KCNH7: variants seen among roughly 807,000 people sequenced by gnomAD.
KCNH7 encodes the protein potassium voltage-gated channel subfamily H member 7.
In KCNH7, 49 loss-of-function variants were observed where a neutral mutation model predicts 120.8. The observed-to-expected ratio is 0.41, with a 90% CI of 0.32 to 0.51. The LOEUF (loss-of-function observed/expected upper bound fraction) is 0.51. Among genes scored for constraint, KCNH7 ranks in the 20% least tolerant of loss-of-function variants. KCNH7 has a pLI of 0.38. For missense variants in KCNH7, 1,097 were observed against 1,446.6 expected (o/e 0.76, Z 3.92); for synonymous variants, 547 against 516.1 (o/e 1.06, Z -0.81).
chr2:162,526,258 A>G (rs182482481), intron 3 of KCNH7, among the ~76,000 whole-genome samples: 1 of 152,102 alleles, frequency 6.6e-6, no homozygotes, highest in East Asian at 2.0e-4. Flanking sequence ...AAATGGAGGC[A>G]GGGCAAGATC....
intron 9 of KCNH7, among the ~76,000 whole-genome samples, chr2:162,403,765 A>C (rs937694981): frequency 4.6e-5 from 7 of 151,994 alleles, no homozygotes; most frequent in Non-Finnish European, 1.0e-4. Flanking sequence ...CGATAAAATT[A>C]AGAGCCAGTT....
intron 3 of KCNH7, among the ~76,000 whole-genome samples, chr2:162,527,495 A>T (rs542803802): frequency 2.8e-4 from 42 of 152,138 alleles, no homozygotes; most frequent in African/African-American, 9.1e-4. Context: ...CTAAAAACTG[A>T]GATACAAATT....
intron 2 of KCNH7, among the ~76,000 whole-genome samples, chr2:162,561,997 G>A (rs1189993047): frequency 6.6e-6 from 1 of 152,116 alleles, no homozygotes; most frequent in African/African-American, 2.4e-5. Flanking sequence ...GCTCATGAGT[G>A]GGAGTCGATC....
chr2:162,817,928 G>A (rs1486535126), intron 2 of KCNH7, among the ~76,000 whole-genome samples: 1 of 151,940 alleles, frequency 6.6e-6, no homozygotes, highest in Non-Finnish European at 1.5e-5. Flanking sequence ...TATACAGAGA[G>A]ATATGGACAT....
chr2:162,468,512 CTTTTTTTT>C (rs1166606647), intron 6 of KCNH7, among the ~76,000 whole-genome samples: 13 of 78,910 alleles, frequency 1.6e-4, no homozygotes, highest in Admixed American at 7.4e-4. Context: ...TATTCTTTTC[CTTTTTTTT>C]TTTTTTTTTT....
chr2:162,666,102 T>G (rs959866213), intron 2 of KCNH7, among the ~76,000 whole-genome samples: 1 of 152,170 alleles, frequency 6.6e-6, no homozygotes. Flanking sequence ...TTGCTTAGAA[T>G]GAGTTTAGGA....
At chr2:162,754,676 C>T (rs1043244792) in intron 2 of KCNH7, among the ~76,000 whole-genome samples, 113 of 151,982 alleles carry the variant, frequency 7.4e-4, no homozygotes, top group African/African-American at 2.3e-3. Context: ...TAAGAGAGTA[C>T]GAGATTTAAG....
At position 162,387,826 on chromosome 2, in the gene KCNH7, A is replaced by G. The variant is rs372884137; in HGVS notation, c.2711-2887T>C. ...ACCCATTTATCTTAAGAATGATAAT[A>G]TAATAATCTTTTCTTTCAAAAAACC... On this transcript the variant is annotated intron_variant, in intron 12 of 15. Transcript: ENST00000332142. Among the ~76,000 whole-genome samples, 6 of 151,786 alleles carry G rather than the reference A, an allele frequency of 4.0e-5. 1 individual carries two copies. The highest frequency in any genetic ancestry group is 1.9e-4 in the East Asian group (1 of 5,158).
intron 6 of KCNH7, among the ~76,000 whole-genome samples, chr2:162,471,830 T>A (rs1689545597): frequency 6.6e-6 from 1 of 152,164 alleles, no homozygotes; most frequent in Non-Finnish European, 1.5e-5. Flanking sequence ...CTACCTGACT[T>A]CAAACTAAAC....
At chr2:162,410,327 A>T (rs1228803154) in intron 9 of KCNH7, among the ~76,000 whole-genome samples, 1 of 152,140 alleles carries the variant, frequency 6.6e-6, no homozygotes, top group Admixed American at 6.6e-5. Context: ...AACAATGAAG[A>T]AAAGATTCCT....
chr2:162,490,323 G>A (rs1269524723), intron 6 of KCNH7, among the ~76,000 whole-genome samples: 4 of 152,156 alleles, frequency 2.6e-5, no homozygotes, highest in African/African-American at 9.7e-5. Flanking sequence ...AGAAGCCCTT[G>A]TATTCAACTG....
intron 2 of KCNH7, among the ~76,000 whole-genome samples, chr2:162,591,868 C>G (rs1211690805): frequency 6.6e-6 from 1 of 151,980 alleles, no homozygotes; most frequent in Non-Finnish European, 1.5e-5. Context: ...TTAGCACTTC[C>G]TTTTCTTCCT....
At chr2:162,391,769 A>G (rs967137022) in intron 12 of KCNH7, among the ~76,000 whole-genome samples, 14 of 152,074 alleles carry the variant, frequency 9.2e-5, no homozygotes, top group Non-Finnish European at 1.5e-4. Flanking sequence ...TAAATCTTCA[A>G]CTATGTGGAA....
chr2:162,735,770 G>T (rs1480218090), intron 2 of KCNH7, among the ~76,000 whole-genome samples: 1 of 152,072 alleles, frequency 6.6e-6, no homozygotes, highest in Non-Finnish European at 1.5e-5. Context: ...CCTTCACTCG[G>T]GTGGCCATGC....
chr2:162,659,634 C>T (rs185838222), intron 2 of KCNH7, among the ~76,000 whole-genome samples: 123 of 152,238 alleles, frequency 8.1e-4, no homozygotes, highest in African/African-American at 2.8e-3. Flanking sequence ...TGAGCCACTG[C>T]GCCTGGCCAA....
At chr2:162,377,295 A>G (rs1170514918) in intron 14 of KCNH7, among the ~76,000 whole-genome samples, 1 of 152,172 alleles carries the variant, frequency 6.6e-6, no homozygotes, top group Non-Finnish European at 1.5e-5. Flanking sequence ...AATATCACAG[A>G]TAATTAGAAA....
At chr2:162,475,022 G>A (rs1244530340) in intron 6 of KCNH7, among the ~76,000 whole-genome samples, 1 of 152,192 alleles carries the variant, frequency 6.6e-6, no homozygotes, top group Non-Finnish European at 1.5e-5. Flanking sequence ...ACCTAGCTAA[G>A]CTTCTCTTCA....
At chr2:162,566,743 G>A (rs538488179) in intron 2 of KCNH7, among the ~76,000 whole-genome samples, 29 of 151,966 alleles carry the variant, frequency 1.9e-4, no homozygotes, top group Admixed American at 8.5e-4. Context: ...GATTAGCAAA[G>A]GTTATGGTCA....
At chr2:162,491,486 C>T (rs903456559) in intron 6 of KCNH7, among the ~76,000 whole-genome samples, 1 of 152,146 alleles carries the variant, frequency 6.6e-6, no homozygotes, top group Non-Finnish European at 1.5e-5. Flanking sequence ...TGATTCCTGA[C>T]AATTAGGCCC....
Sources: gnomAD v4.1 joint callset for allele counts (sites outside exome capture counted in the v4.1 genomes callset) on GRCh38, gnomAD v4.1.1 for gene constraint, MANE v1.5 for transcripts, NCBI Gene and HGNC (gene_info 2026-07-23, HGNC 2026-07-21) for gene names.